Variants in GDI2 observed in about 807,000 individuals in gnomAD.
GDI2 encodes the protein rab GDP dissociation inhibitor beta.
GDI2 carries 22 observed loss-of-function variants against 54.2 expected under a neutral mutation model. The observed-to-expected ratio is 0.41, with a 90% CI of 0.29 to 0.58. The LOEUF (loss-of-function observed/expected upper bound fraction) is 0.58. Among genes scored for constraint, GDI2 ranks in the 20% least tolerant of loss-of-function variants. The pLI is 0.35. For missense variants in GDI2, 422 were observed against 546.0 expected (o/e 0.77, Z 2.26); for synonymous variants, 177 against 182.1 (o/e 0.97, Z 0.23).
In GDI2 at chr10:5,766,455, C is replaced by CA. The variant is rs765448003; in HGVS notation, c.1136+38dup. ...ACCATGGAGCCACAATCAAAGGCCT[C>CA]AGTTTGCATCTCGGCAGATATAAAA... On this transcript the variant is annotated intron_variant, in intron 9 of 10. Transcript: ENST00000380191. This position sits in a 1 kb window ranked among gnomAD's most constrained non-coding sequence, Gnocchi z 5.8. 2.4e-5 allele frequency: 38 copies of CA among 1,609,090 alleles called. No individual in the cohort carries two copies. The Admixed American group carries it at 6.3e-4, about 27-fold the overall frequency.
chr10:5,801,786 G>T (rs1391658640), intron 1 of GDI2, among the ~76,000 whole-genome samples: 2 of 152,232 alleles, frequency 1.3e-5, no homozygotes, highest in African/African-American at 4.8e-5. Flanking sequence ...CGAGGTGGGT[G>T]TAATGCTTGA....
chr10:5,808,390 T>C (rs1841419280), intron 1 of GDI2, among the ~76,000 whole-genome samples: 1 of 151,608 alleles, frequency 6.6e-6, no homozygotes, highest in Non-Finnish European at 1.5e-5. Context: ...AGTTCTGTTA[T>C]GGGCTGGGTG....
chr10:5,776,485 G>GT lies in GDI2; in HGVS notation c.720-2545dup. Reference sequence around the variant, plus strand: ...CAAAAGAGTGAGCCAGCAGAGCCATGTATTAGAAGCAAAGGCCCGAAAGAT... The same window carrying GT: ...CAAAAGAGTGAGCCAGCAGAGCCATGTTATTAGAAGCAAAGGCCCGAAAGAT... On this transcript the variant is annotated intron_variant, in intron 6 of 10. Transcript: ENST00000380191. The surrounding 1 kb of genome is among the most constrained non-coding windows in gnomAD (Gnocchi z 5.3). 9.4e-7 allele frequency: 1 copy of GT among 1,063,436 alleles called. No individual in the cohort carries two copies. Among genetic ancestry groups the GT allele is most frequent in the Non-Finnish European group, 1.5e-6 (1 of 682,098 alleles). 65.9% of individuals were successfully genotyped at this position (1,063,436 alleles called of 1,614,324 possible).
intron 6 of GDI2, among the ~76,000 whole-genome samples, chr10:5,779,074 G>A (rs1197990329): frequency 2.0e-5 from 3 of 152,098 alleles, no homozygotes; most frequent in Non-Finnish European, 4.4e-5. Context: ...TTTAAAAGCA[G>A]CTATTATAAA....
In GDI2 at chr10:5,766,106, G is replaced by A. The variant is rs1010582641; in HGVS notation, c.1238C>T (p.Thr413Met). 4 of 1,611,722 alleles carry A rather than the reference G, an allele frequency of 2.5e-6. No homozygotes were observed. The highest frequency in any genetic ancestry group is 3.4e-6 in the Non-Finnish European group (4 of 1,178,354). The change falls in exon 11 of 11, where the codon ACG becomes ATG. Residue 413 changes from threonine (T) to methionine (M), a missense_variant. By Grantham distance (81) the Thr-to-Met change is moderately conservative (BLOSUM62 -1). Transcript: ENST00000380191. The surrounding 1 kb of genome is among the most constrained non-coding windows in gnomAD (Gnocchi z 5.8). ...ATAGATGTTTTTAATGTCATCACACGTTGTCTCAAAATGAGTGGTGGCATC... is the reference window on the plus strand; with the variant it reads ...ATAGATGTTTTTAATGTCATCACACATTGTCTCAAAATGAGTGGTGGCATC... ...TYDATTHFET[T>M]CDDIKNIYKR...
intron 6 of GDI2, among the ~76,000 whole-genome samples, chr10:5,780,115 G>A (rs983921878): frequency 6.6e-6 from 1 of 151,858 alleles, no homozygotes; most frequent in Non-Finnish European, 1.5e-5. Context: ...AGGCTGAGAT[G>A]GGAAGATCCC....
intron 2 of GDI2, among the ~76,000 whole-genome samples, chr10:5,799,809 T>C (rs571629215): frequency 6.6e-6 from 1 of 152,332 alleles, no homozygotes; most frequent in Non-Finnish European, 1.5e-5. Flanking sequence ...AGATGAATGC[T>C]GAAATATTTT....
At chr10:5,778,109 G>A (rs2131689511) in intron 6 of GDI2, among the ~76,000 whole-genome samples, 1 of 152,244 alleles carries the variant, frequency 6.6e-6, no homozygotes, top group South Asian at 2.1e-4. Context: ...CACAGGGAGA[G>A]GAACATCACA....
intron 4 of GDI2, among the ~76,000 whole-genome samples, chr10:5,789,119 T>C (rs1294957446): frequency 5.9e-5 from 9 of 151,922 alleles, no homozygotes; most frequent in Admixed American, 3.3e-4. Flanking sequence ...TTTTTTTTTT[T>C]TCCTTTTTGA....
intron 1 of GDI2, among the ~76,000 whole-genome samples, chr10:5,802,316 C>T (rs977183354): frequency 2.0e-5 from 3 of 151,974 alleles, no homozygotes; most frequent in African/African-American, 7.2e-5. Context: ...TTACCGAAAA[C>T]TTGGCCGGGC....
At chr10:5,777,193 C>T (rs561153270) in intron 6 of GDI2, among the ~76,000 whole-genome samples, 1 of 152,146 alleles carries the variant, frequency 6.6e-6, no homozygotes, top group Non-Finnish European at 1.5e-5. Flanking sequence ...AAAAGTTATG[C>T]CAGGCACGGT....
rs530025524 is a variant in GDI2, at chr10:5,785,933, C to T, written c.506G>A (p.Arg169Gln). The T allele has an allele frequency of 3.1e-5, 50 of 1,610,544 alleles. No homozygotes were observed. In the African/African-American group the frequency reaches 3.6e-4, roughly 12 times the overall value. Residue 169 changes from arginine to glutamine, a missense_variant, in exon 5 of 11, where the codon CGA becomes CAA. Transcript: ENST00000380191. ...EGIDPKKTTM[R>Q]DVYKKFDLGQ... Reference sequence around the variant, plus strand: ...CAAATCAAATTTCTTATACACATCTCGCATTGTGGTCTTCTTAGGATCAAT... The same window carrying T: ...CAAATCAAATTTCTTATACACATCTTGCATTGTGGTCTTCTTAGGATCAAT...
At chr10:5,809,260 A>C (rs1841441640) in intron 1 of GDI2, among the ~76,000 whole-genome samples, 1 of 152,016 alleles carries the variant, frequency 6.6e-6, no homozygotes, top group South Asian at 2.1e-4. Flanking sequence ...AAAACAAAAA[A>C]AAAAACTGTC....
intron 4 of GDI2, among the ~76,000 whole-genome samples, chr10:5,791,104 C>A (rs1355013331): frequency 6.6e-6 from 1 of 152,092 alleles, no homozygotes; most frequent in Non-Finnish European, 1.5e-5. Context: ...CCAACCTGGG[C>A]AGCATAGCAA....
rs893699281 is a variant in GDI2, at chr10:5,788,286, A to G, written c.389-2236T>C. Among the ~76,000 whole-genome samples, 3 of 152,078 alleles carry G rather than the reference A, an allele frequency of 2.0e-5. No homozygotes were observed. The East Asian group carries it at 5.8e-4, about 29-fold the overall frequency. Reference sequence around the variant, plus strand: ...AAGTGTGGAATCACAGGTGTGAGCCACTGCACCTAGTCCCTACTAGGTAGA... The same window carrying G: ...AAGTGTGGAATCACAGGTGTGAGCCGCTGCACCTAGTCCCTACTAGGTAGA... On this transcript the variant is annotated intron_variant, in intron 4 of 10. Transcript: ENST00000380191.
intron 6 of GDI2, among the ~76,000 whole-genome samples, chr10:5,781,625 CAAAA>C (rs34913780): frequency 5.1e-5 from 5 of 97,150 alleles, no homozygotes; most frequent in African/African-American, 8.6e-5. Context: ...ACTCTGTCTC[CAAAA>C]AAAAAAAAAA....
rs868376652 is a variant in GDI2 at position 5,813,423 on chromosome 10, A to T, written c.-165T>A. The stretch of plus-strand genomic sequence containing the variant: ...GAGACCGACCGCCACCTCAGACGGG[A>T]AGAGAAGAACTGGGCGGGGAGAGGA... On this transcript the variant is annotated 5_prime_UTR_variant, in exon 1 of 11. Transcript: ENST00000380191. 1 of 502,914 alleles carries T rather than the reference A, an allele frequency of 2.0e-6. No homozygotes were observed. The highest frequency in any genetic ancestry group is 3.6e-6 in the Non-Finnish European group (1 of 278,832). 31.2% of individuals were successfully genotyped at this position (502,914 alleles called of 1,614,324 possible).
chr10:5,801,768 C>T lies in GDI2; in HGVS notation c.46-1063G>A, dbSNP rs1395541832. Reference sequence around the variant, plus strand: ...GCTCACACCTGCAATCCCAGCACTTCGGGAGGCCGAGGTGGGTGTAATGCT... The same window carrying T: ...GCTCACACCTGCAATCCCAGCACTTTGGGAGGCCGAGGTGGGTGTAATGCT... On this transcript the variant is annotated intron_variant, in intron 1 of 10. Transcript: ENST00000380191. Among the ~76,000 whole-genome samples, 6 of 152,114 alleles carry T rather than the reference C, an allele frequency of 3.9e-5. No individual in the cohort carries two copies. The South Asian group carries it at 6.2e-4, about 16-fold the overall frequency.
chr10:5,795,531 G>C (rs1841126347), intron 3 of GDI2, among the ~76,000 whole-genome samples: 1 of 152,146 alleles, frequency 6.6e-6, no homozygotes, highest in African/African-American at 2.4e-5. Context: ...ATTCAAGGTT[G>C]AATACATAGG....
Sources: gnomAD v4.1 joint callset for allele counts (sites outside exome capture counted in the v4.1 genomes callset) on GRCh38, gnomAD v4.1.1 for gene constraint, Gnocchi (gnomAD v3.1) non-coding constraint, MANE v1.5 for transcripts, NCBI Gene and HGNC (gene_info 2026-07-23, HGNC 2026-07-21) for gene names.